IFT81: variants seen among roughly 807,000 people sequenced by gnomAD.
The protein encoded by IFT81 is intraflagellar transport protein 81 homolog.
A neutral mutation model predicts 102.6 loss-of-function variants in IFT81; 72 were observed. The ratio of observed to expected loss-of-function variants is 0.70; its 90% CI spans 0.58 to 0.85. The LOEUF (loss-of-function observed/expected upper bound fraction) is 0.85, where lower values mean the gene tolerates loss of function less well. Ranked by LOEUF, IFT81 falls within the 40% of genes least tolerant of loss-of-function variation. IFT81 has a pLI of 0.00. For missense variants in IFT81, 723 were observed against 787.3 expected, an observed-to-expected ratio of 0.92 and a Z score of 0.98; for synonymous variants, 237 against 242.7, an observed-to-expected ratio of 0.98 and a Z score of 0.22.
intron 1 of IFT81, among the ~76,000 whole-genome samples, chr12:110,126,039 G>A (rs1027764508): frequency 1.3e-5 from 2 of 152,154 alleles, no homozygotes; most frequent in African/African-American, 2.4e-5. Context: ...AGCACTTTGG[G>A]AGGCCAAGGT....
chr12:110,167,722 TAAA>T (rs1257387259), intron 11 of IFT81: 3 of 155,254 alleles, frequency 1.9e-5, no homozygotes, highest in African/African-American at 7.2e-5. Context: ...ATACTTTAGA[TAAA>T]TAATAATTTT....
intron 10 of IFT81, among the ~76,000 whole-genome samples, chr12:110,152,461 C>A (rs1895594412): frequency 6.6e-6 from 1 of 152,084 alleles, no homozygotes; most frequent in African/African-American, 2.4e-5. Flanking sequence ...ATAAATGTCT[C>A]TTTAGGTTCT....
intron 10 of IFT81, among the ~76,000 whole-genome samples, chr12:110,153,450 C>T (rs1395426920): frequency 2.0e-5 from 3 of 149,606 alleles, no homozygotes; most frequent in Non-Finnish European, 4.4e-5. Context: ...TACTAAAGGT[C>T]AGGGTGGTCT....
chr12:110,215,640 T>A (rs914598396), intron 18 of IFT81, among the ~76,000 whole-genome samples: 9 of 148,308 alleles, frequency 6.1e-5, no homozygotes, highest in East Asian at 5.9e-4. Context: ...TAAAAAAAAA[T>A]TTTTTTTTTG....
At position 110,188,058 on chromosome 12, in the gene IFT81, C is replaced by T. The variant is rs139539599; in HGVS notation, c.1339-2862C>T. ...TTAATAACCTATCTGCTCGGCCGGG[C>T]GCGGTGGCTCACGCCTGTAATCCCA... On this transcript the variant is annotated intron_variant, in intron 12 of 18. Transcript: ENST00000242591. Among the ~76,000 whole-genome samples, 1,294 of 152,174 alleles carry T rather than the reference C, an allele frequency of 8.5e-3. 15 individuals are homozygous for T. The highest frequency in any genetic ancestry group is 8.7e-3 in the Non-Finnish European group (590 of 68,010).
intron 10 of IFT81, among the ~76,000 whole-genome samples, chr12:110,154,218 C>T (rs1895705343): frequency 6.7e-6 from 1 of 149,548 alleles, no homozygotes; most frequent in African/African-American, 2.4e-5. Context: ...CTCCTGACCT[C>T]ATGATAGACC....
chr12:110,133,896 A>G (rs1314761692), intron 5 of IFT81, among the ~76,000 whole-genome samples: 3 of 152,238 alleles, frequency 2.0e-5, no homozygotes, highest in African/African-American at 7.2e-5. Flanking sequence ...TGTAGATGTA[A>G]CTTGCATTAA....
intron 12 of IFT81, among the ~76,000 whole-genome samples, chr12:110,183,083 T>G (rs1424421546): frequency 6.6e-6 from 1 of 152,196 alleles, no homozygotes; most frequent in Non-Finnish European, 1.5e-5. Flanking sequence ...TAGTGTAGTA[T>G]GTGGTAAAAT....
chr12:110,173,833 GC>G lies in IFT81; in HGVS notation c.1189-6587del, dbSNP rs543483516. ...CCCAGGGACACAAACACTGCGGAAG[GC>G]CTCAGGGTCCTCTGCCTAGGAAAAC... On this transcript the variant is annotated intron_variant, in intron 11 of 18. Transcript: ENST00000242591. Among the ~76,000 whole-genome samples the G allele has an allele frequency of 5.4e-3, 818 of 151,974 alleles. 3 individuals carry two copies. The highest frequency in any genetic ancestry group is 8.5e-3 in the Non-Finnish European group (577 of 67,970).
At chr12:110,178,443 A>G (rs1897141559) in intron 11 of IFT81, among the ~76,000 whole-genome samples, 1 of 151,428 alleles carries the variant, frequency 6.6e-6, no homozygotes, top group Non-Finnish European at 1.5e-5. Context: ...AAGAAAGAAA[A>G]ATACCAATAT....
At chr12:110,183,122 A>T (rs1371537835) in intron 12 of IFT81, among the ~76,000 whole-genome samples, 2 of 152,186 alleles carry the variant, frequency 1.3e-5, no homozygotes, top group Admixed American at 6.5e-5. Context: ...TACGAATGCT[A>T]TCATACTTCC....
At chr12:110,180,333 A>C in intron 11 of IFT81, 89 bp from the exon 12 acceptor site, 1 of 678,414 alleles carries the variant, frequency 1.5e-6, no homozygotes, top group Non-Finnish European at 2.2e-6. Flanking sequence ...AGAGAAGAAA[A>C]AATGTGAATA....
chr12:110,136,695 C>A, intron 7 of IFT81, 81 bp from the exon 8 acceptor site: 1 of 691,798 alleles, frequency 1.4e-6, no homozygotes, highest in Non-Finnish European at 2.3e-6. Context: ...TTATATGGAA[C>A]TTGTATTTTT....
At chr12:110,143,647 A>C (rs1276711596) in intron 9 of IFT81, 102 bp downstream of exon 9, 2 of 913,762 alleles carry the variant, frequency 2.2e-6, no homozygotes, top group African/African-American at 3.5e-5. Flanking sequence ...TTGACTCTTA[A>C]ATTAACCTGT....
intron 18 of IFT81, among the ~76,000 whole-genome samples, chr12:110,211,703 C>T (rs765122808): frequency 1.1e-4 from 16 of 151,726 alleles, no homozygotes; most frequent in Non-Finnish European, 2.1e-4. Flanking sequence ...GATGGGGTTT[C>T]GCCATGTTGC....
chr12:110,183,989 T>C (rs537762152), intron 12 of IFT81, among the ~76,000 whole-genome samples: 43 of 152,328 alleles, frequency 2.8e-4, no homozygotes, highest in African/African-American at 9.4e-4. Flanking sequence ...CTCTGCACTT[T>C]AGCCAGGGGA....
intron 8 of IFT81, 56 bp downstream of exon 8, chr12:110,136,916 G>A (rs1038882107): frequency 1.2e-5 from 13 of 1,073,442 alleles, no homozygotes; most frequent in South Asian, 3.0e-5. Context: ...TTTAAATCAC[G>A]ATCTTCCTAA....
chr12:110,127,247 T>C, intron 1 of IFT81, 113 bp from the exon 2 acceptor site: 1 of 1,012,150 alleles, frequency 9.9e-7, no homozygotes. Context: ...GCATTTTGTA[T>C]GCCATGTAAA....
At chr12:110,138,305 T>G (rs887311819) in intron 8 of IFT81, among the ~76,000 whole-genome samples, 1 of 152,174 alleles carries the variant, frequency 6.6e-6, no homozygotes, top group Non-Finnish European at 1.5e-5. Flanking sequence ...CTCTAACTTT[T>G]CAGTAACAAA....
Sources: gnomAD v4.1 joint callset for allele counts (sites outside exome capture counted in the v4.1 genomes callset) on GRCh38, gnomAD v4.1.1 for gene constraint, MANE v1.5 for transcripts, NCBI Gene and HGNC (gene_info 2026-07-23, HGNC 2026-07-21) for gene names.